The following CRYL1 variants were observed in gnomAD, a reference collection of about 807,000 sequenced individuals.
The protein encoded by CRYL1 is crystallin lambda 1.
A neutral mutation model predicts 36.6 loss-of-function variants in CRYL1; 29 were observed. That is an observed-to-expected ratio of 0.79 (90% CI 0.59 to 1.08). The LOEUF (loss-of-function observed/expected upper bound fraction) is 1.08. Among genes scored for constraint, CRYL1 ranks in the 50% least tolerant of loss-of-function variants. The pLI, the probability that CRYL1 is intolerant of heterozygous loss-of-function variation, is 0.00. For synonymous variants in CRYL1, 152 were observed against 151.5 expected (o/e 1.00, Z -0.02); for missense variants, 411 against 407.9 (o/e 1.01, Z -0.06).
intron 2 of CRYL1, among the ~76,000 whole-genome samples, chr13:20,505,234 G>A (rs113978082): frequency 6.1e-4 from 93 of 152,090 alleles, no homozygotes; most frequent in African/African-American, 2.1e-3. Flanking sequence ...GCACATGCCT[G>A]TAGTCCCAGC....
chr13:20,443,299 A>G (rs1182107367), intron 3 of CRYL1, among the ~76,000 whole-genome samples: 1 of 151,896 alleles, frequency 6.6e-6, no homozygotes, highest in African/African-American at 2.4e-5. Flanking sequence ...TGCAACATAC[A>G]TTTTCCAAAA....
chr13:20,483,918 G>A (rs1021594868), intron 3 of CRYL1, among the ~76,000 whole-genome samples: 1 of 152,168 alleles, frequency 6.6e-6, no homozygotes, highest in African/African-American at 2.4e-5. Context: ...GCAGGTTCAA[G>A]TGATTCCCCT....
chr13:20,432,317 G>C (rs374626134), intron 4 of CRYL1, 21 bp from the exon 5 acceptor site: 7 of 1,578,814 alleles, frequency 4.4e-6, no homozygotes, highest in Non-Finnish European at 5.2e-6. Flanking sequence ...AGAGAGAAGT[G>C]GGGGAGTCAA....
Position 20,519,717 on chromosome 13 carries a change from CA to C in CRYL1, c.41+6036del, listed in dbSNP as rs2034062694. Among the ~76,000 whole-genome samples, 3 of 152,164 alleles carry C rather than the reference CA, an allele frequency of 2.0e-5. No homozygotes were observed. The East Asian group carries it at 5.8e-4, about 29-fold the overall frequency. Reference sequence around the variant, plus strand: ...TAGATAAACGGCAAGAAAAATTTTACAAAACCAGAGAGGGATGAACAATCTA... The same window carrying C: ...TAGATAAACGGCAAGAAAAATTTTACAAACCAGAGAGGGATGAACAATCTA... On this transcript the variant is annotated intron_variant, in intron 1 of 7. Transcript: ENST00000298248.
chr13:20,490,590 A>G (rs2033489815), intron 2 of CRYL1, among the ~76,000 whole-genome samples: 1 of 151,940 alleles, frequency 6.6e-6, no homozygotes, highest in South Asian at 2.1e-4. Flanking sequence ...AAATTTTATT[A>G]CATACACTTT....
At chr13:20,431,673 C>T in intron 5 of CRYL1, 3 of 1,104,346 alleles carry the variant, frequency 2.7e-6, no homozygotes, top group East Asian at 7.0e-5. Flanking sequence ...TCACTTCTTC[C>T]TCAAGCTCTT....
intron 3 of CRYL1, among the ~76,000 whole-genome samples, chr13:20,466,429 G>A (rs558055364): frequency 2.0e-5 from 3 of 152,296 alleles, no homozygotes; most frequent in Middle Eastern, 3.4e-3. Context: ...TTAAAGAGTT[G>A]TTATAAATCA....
At chr13:20,495,839 C>T (rs571811138) in intron 2 of CRYL1, among the ~76,000 whole-genome samples, 1 of 152,348 alleles carries the variant, frequency 6.6e-6, no homozygotes, top group African/African-American at 2.4e-5. Context: ...ATGTCATATG[C>T]CAGGCTGGAG....
chr13:20,410,384 G>A (rs2031487336), intron 6 of CRYL1, among the ~76,000 whole-genome samples: 1 of 134,596 alleles, frequency 7.4e-6, no homozygotes, highest in Non-Finnish European at 1.6e-5. Context: ...GGACTGTAGT[G>A]GGGTGGGGGG....
chr13:20,441,199 A>T (rs1179560784), intron 3 of CRYL1, among the ~76,000 whole-genome samples: 1 of 152,192 alleles, frequency 6.6e-6, no homozygotes, highest in Admixed American at 6.5e-5. Flanking sequence ...AATGACTCTC[A>T]GTGTGGTGCA....
intron 3 of CRYL1, among the ~76,000 whole-genome samples, chr13:20,464,801 T>A (rs1353818467): frequency 1.3e-5 from 2 of 152,238 alleles, no homozygotes; most frequent in Non-Finnish European, 2.9e-5. Context: ...GCAGGTAGAT[T>A]TGTCTCTTTT....
intron 3 of CRYL1, among the ~76,000 whole-genome samples, chr13:20,480,256 C>T (rs576825290): frequency 6.6e-6 from 1 of 152,158 alleles, no homozygotes; most frequent in Admixed American, 6.6e-5. Context: ...CAGTGGGCAC[C>T]TGTAATCCTA....
intron 3 of CRYL1, among the ~76,000 whole-genome samples, chr13:20,488,295 G>A (rs1240729325): frequency 6.6e-6 from 1 of 152,084 alleles, no homozygotes; most frequent in Non-Finnish European, 1.5e-5. Context: ...AACTCATTAG[G>A]AGCCCTCAGG....
In CRYL1 at chr13:20,428,786, C is replaced by T. The variant is rs529625868; in HGVS notation, c.633+3316G>A. On this transcript the variant is annotated intron_variant, in intron 5 of 7. Transcript: ENST00000298248. ...TGCAGATGGCAGGGGTGGCAGGGAA[C>T]GGCATTCCTCCCTGACCTGCTGACC... 3.9e-5 allele frequency among the ~76,000 whole-genome samples: 6 copies of T among 152,260 alleles called. No individual in the cohort carries two copies. The East Asian group carries it at 9.6e-4, about 24-fold the overall frequency.
intron 2 of CRYL1, among the ~76,000 whole-genome samples, chr13:20,510,434 G>A (rs1006168989): frequency 1.3e-5 from 2 of 152,106 alleles, no homozygotes; most frequent in African/African-American, 4.8e-5. Context: ...TAACATTCTG[G>A]AAAAGGTAAA....
intron 3 of CRYL1, among the ~76,000 whole-genome samples, chr13:20,486,305 T>A (rs2033398870): frequency 6.6e-6 from 1 of 152,186 alleles, no homozygotes; most frequent in South Asian, 2.1e-4. Flanking sequence ...TCAATTCACC[T>A]AAGTAATTCT....
In CRYL1 at chr13:20,525,588, G is replaced by T. The variant is rs1041020876; in HGVS notation, c.41+166C>A. ...AGCCCCTCCAGCCGCGCCTCTCCCC[G>T]AGCCCGCCAGCGCCGTAGGGGCCGC... On this transcript the variant is annotated intron_variant, in intron 1 of 7. Transcript: ENST00000298248. This position sits in a 1 kb window ranked among gnomAD's most constrained non-coding sequence, Gnocchi z 4.3. Among the ~76,000 whole-genome samples the T allele has an allele frequency of 1.3e-5, 2 of 152,098 alleles. No homozygotes were observed. Among genetic ancestry groups the T allele is most frequent in the Non-Finnish European group, 2.9e-5 (2 of 67,984 alleles).
intron 2 of CRYL1, among the ~76,000 whole-genome samples, chr13:20,507,860 G>A (rs1259212637): frequency 6.6e-6 from 1 of 151,476 alleles, no homozygotes; most frequent in Non-Finnish European, 1.5e-5. Context: ...GGAGCTTGCA[G>A]TGAGCCAAGA....
chr13:20,419,062 C>T (rs1304521343), intron 5 of CRYL1: 3 of 152,176 alleles, frequency 2.0e-5, no homozygotes, highest in Non-Finnish European at 1.5e-5. Context: ...GAAAGGATTA[C>T]ACCAGCACGT....
Sources: allele counts gnomAD v4.1 joint callset (sites outside exome capture counted in the v4.1 genomes callset), GRCh38; gene constraint gnomAD v4.1.1; non-coding constraint Gnocchi (gnomAD v3.1); transcripts MANE v1.5; gene names NCBI Gene and HGNC (gene_info 2026-07-23, HGNC 2026-07-21).